The following FTCDNL1 variants were observed in gnomAD, a reference collection of about 807,000 sequenced individuals.
FTCDNL1 encodes formiminotransferase N-terminal subdomain-containing protein.
Under a neutral mutation model 5.9 loss-of-function variants are expected in FTCDNL1, and 11 were observed. The observed-to-expected ratio is 1.87, with a 90% CI of 1.18 to 3.10. The LOEUF (loss-of-function observed/expected upper bound fraction) is 3.10, where lower values mean the gene tolerates loss of function less well. Ranked by LOEUF, FTCDNL1 falls within the 30% of genes most tolerant of loss-of-function variation. FTCDNL1 has a pLI of 0.00. For missense variants in FTCDNL1, 115 were observed against 65.5 expected (o/e 1.76, Z -2.61); for synonymous variants, 58 against 24.8 (o/e 2.34, Z -3.99).
the FTCDNL1 span, among the ~76,000 whole-genome samples, chr2:199,723,249 G>A: frequency 2.0e-5 from 3 of 151,974 alleles, no homozygotes; most frequent in Admixed American, 6.6e-5. Flanking sequence ...CTGAGACTTT[G>A]CTAAAGTTGC....
At chr2:199,840,462 G>T (rs764294202) in intron 3 of FTCDNL1, among the ~76,000 whole-genome samples, 16 of 152,050 alleles carry the variant, frequency 1.1e-4, no homozygotes, top group Non-Finnish European at 2.1e-4. Flanking sequence ...TGTGAGTGGT[G>T]TGTGTCTGTG....
At chr2:199,701,775 C>T in the FTCDNL1 span, among the ~76,000 whole-genome samples, 1 of 152,180 alleles carries the variant, frequency 6.6e-6, no homozygotes, top group African/African-American at 2.4e-5. Flanking sequence ...GAGCTCATGC[C>T]TGTAATCCCA....
chr2:199,768,055 A>G (rs1698618594), intron 3 of FTCDNL1, among the ~76,000 whole-genome samples: 2 of 152,244 alleles, frequency 1.3e-5, no homozygotes, highest in South Asian at 4.1e-4. Context: ...TCTAGGCTTG[A>G]TAAGTAGAGT....
chr2:199,743,680 G>C, the FTCDNL1 span, among the ~76,000 whole-genome samples: 1 of 151,938 alleles, frequency 6.6e-6, no homozygotes, highest in Non-Finnish European at 1.5e-5. Flanking sequence ...CTGCAAGATG[G>C]TAATTAAGCC....
intron 3 of FTCDNL1, among the ~76,000 whole-genome samples, chr2:199,799,703 C>T (rs1221457819): frequency 6.6e-6 from 1 of 152,078 alleles, no homozygotes; most frequent in East Asian, 1.9e-4. Context: ...ATATCTGGTA[C>T]CTGAAATTGG....
chr2:199,772,446 G>A lies in FTCDNL1; in HGVS notation c.212-11611C>T, dbSNP rs925121625. ...CTTAACTCTAGTTTTCTCTGTCAGG[G>A]TCCCAAAGAGCAGGGGACACATTTC... On this transcript the variant is annotated intron_variant, in intron 3 of 3. Transcript: ENST00000416668. Among the ~76,000 whole-genome samples, 6 of 152,146 alleles carry A rather than the reference G, an allele frequency of 3.9e-5. No individual in the cohort carries two copies. In the East Asian group the frequency reaches 7.7e-4, roughly 20 times the overall value.
chr2:199,833,950 T>C (rs775727970), intron 3 of FTCDNL1, among the ~76,000 whole-genome samples: 1 of 152,246 alleles, frequency 6.6e-6, no homozygotes, highest in Non-Finnish European at 1.5e-5. Context: ...TTCTTCCACA[T>C]GGAGAGAGCT....
chr2:199,798,369 C>T (rs1167493104), intron 3 of FTCDNL1, among the ~76,000 whole-genome samples: 1 of 152,154 alleles, frequency 6.6e-6, no homozygotes, highest in Non-Finnish European at 1.5e-5. Flanking sequence ...GAGAAAAACA[C>T]CCTGGCAAAC....
chr2:199,829,231 T>C (rs1017102734), intron 3 of FTCDNL1, among the ~76,000 whole-genome samples: 12 of 152,328 alleles, frequency 7.9e-5, no homozygotes, highest in Middle Eastern at 3.4e-3. Context: ...CCCACCGCTA[T>C]GGTCAGTGGT....
downstream of FTCDNL1, among the ~76,000 whole-genome samples, chr2:199,807,606 C>T (rs1700797516): frequency 1.3e-5 from 2 of 152,032 alleles, no homozygotes; most frequent in Admixed American, 6.6e-5. Flanking sequence ...CACTGCACTC[C>T]AACCTGGGTA....
intron 3 of FTCDNL1, among the ~76,000 whole-genome samples, chr2:199,780,958 C>T (rs1699333290): frequency 1.3e-5 from 2 of 152,160 alleles, no homozygotes; most frequent in Non-Finnish European, 2.9e-5. Context: ...CCCATACTGC[C>T]TAGAATTATA....
chr2:199,727,148 T>C, the FTCDNL1 span, among the ~76,000 whole-genome samples: 12 of 152,302 alleles, frequency 7.9e-5, no homozygotes, highest in South Asian at 2.1e-4. Context: ...TGAGGAGGAA[T>C]GGATCCAGGT....
chr2:199,792,144 A>G (rs1330589274), intron 3 of FTCDNL1, among the ~76,000 whole-genome samples: 1 of 152,180 alleles, frequency 6.6e-6, no homozygotes, highest in Non-Finnish European at 1.5e-5. Flanking sequence ...GGGAGATGAA[A>G]TTTTGAAAAA....
downstream of FTCDNL1, among the ~76,000 whole-genome samples, chr2:199,756,768 T>C (rs1698087362): frequency 6.6e-6 from 1 of 152,238 alleles, no homozygotes; most frequent in Admixed American, 6.5e-5. Context: ...AGTTTTATTT[T>C]TACCCATGTT....
At chr2:199,840,578 C>A (rs972092088) in intron 3 of FTCDNL1, among the ~76,000 whole-genome samples, 5 of 151,950 alleles carry the variant, frequency 3.3e-5, no homozygotes, top group Admixed American at 3.3e-4. Context: ...AACTGAAAGA[C>A]CAAGACGTAC....
rs1250950446 is a variant in FTCDNL1 at position 199,846,113 on chromosome 2, C to G, written c.173G>C (p.Arg58Thr). The change falls in exon 3 of 5, where the codon AGA becomes ACA. Residue 58 changes from arginine to threonine, a missense_variant. Transcript: ENST00000420128. The stretch of plus-strand genomic sequence containing the variant: ...AGAAGTTGCTATTGTAATGACTGAT[C>G]TCTTGTAGTCTTGATCGGAAAATAT... ...LNIFSDQDYK[R>T]SVITIATSVD... 8 of 699,420 alleles carry G rather than the reference C, an allele frequency of 1.1e-5. No homozygotes were observed. The highest frequency in any genetic ancestry group is 2.1e-5 in the Non-Finnish European group (8 of 383,788). 43.3% of individuals were successfully genotyped at this position (699,420 alleles called of 1,614,324 possible).
rs372404608 is a variant in FTCDNL1, at chr2:199,845,571, C to T, written c.211+504G>A. Among the ~76,000 whole-genome samples the T allele has an allele frequency of 2.5e-4, 38 of 150,270 alleles. 3 individuals carry two copies. The East Asian group carries it at 5.7e-3, about 22-fold the overall frequency. ...GGGTGATGGAGTGAGACTCTTATCT[C>T]GAAAAAAAAAAGATAATCTGTCCTA... On this transcript the variant is annotated intron_variant, in intron 3 of 4. Coordinates refer to ENST00000420128, the MANE Select transcript of FTCDNL1 (RefSeq NM_001363886.2).
chr2:199,846,304 A>G lies in FTCDNL1; in HGVS notation c.116-134T>C, dbSNP rs986287782. ...ATGTGACTTTTGGAAGTGACATTGA[A>G]TAAACATGAAATTCATGAGAGGCAA... On this transcript the variant is annotated intron_variant, in intron 2 of 4. Transcript: ENST00000420128. The G allele has an allele frequency of 1.4e-5, 8 of 574,520 alleles. No individual in the cohort carries two copies. The East Asian group carries it at 2.2e-4, about 16-fold the overall frequency. 35.6% of individuals were successfully genotyped at this position (574,520 alleles called of 1,614,324 possible). A position where few individuals can be genotyped will look rare whatever the true frequency, so the allele number is the denominator to read the frequency against.
intron 3 of FTCDNL1, among the ~76,000 whole-genome samples, chr2:199,774,762 A>G (rs1698979347): frequency 6.6e-6 from 1 of 152,134 alleles, no homozygotes. Flanking sequence ...ACTGACCCTC[A>G]GGTTTTTCTG....
Sources: allele counts gnomAD v4.1 joint callset (sites outside exome capture counted in the v4.1 genomes callset), GRCh38; gene constraint gnomAD v4.1.1; transcripts MANE v1.5; gene names NCBI Gene and HGNC (gene_info 2026-07-23, HGNC 2026-07-21).